The following CHODL variants were observed in gnomAD, a reference collection of about 807,000 sequenced individuals.
CHODL encodes transmembrane protein MT75.
CHODL carries 29 observed loss-of-function variants against 34.5 expected under a neutral mutation model. The ratio of observed to expected loss-of-function variants is 0.84; its 90% CI spans 0.63 to 1.15. The LOEUF (loss-of-function observed/expected upper bound fraction) is 1.15. CHODL is among the 50% of genes most tolerant of loss of function. The pLI, the probability that CHODL is intolerant of heterozygous loss-of-function variation, is 0.00. For missense variants in CHODL, 332 were observed against 332.5 expected (o/e 1.00, Z 0.01); for synonymous variants, 125 against 116.1 (o/e 1.08, Z -0.49).
At chr21:17,938,026 C>T (rs1264946520) in intron 1 of CHODL, among the ~76,000 whole-genome samples, 2 of 152,142 alleles carry the variant, frequency 1.3e-5, no homozygotes, top group Non-Finnish European at 2.9e-5. Context: ...GGCAAGTTCC[C>T]CTCACCCCAC....
At chr21:18,038,386 AGTG>A (rs1170999280) in intron 2 of CHODL, among the ~76,000 whole-genome samples, 5 of 151,758 alleles carry the variant, frequency 3.3e-5, no homozygotes, top group African/African-American at 4.8e-5. Flanking sequence ...ATTCAAGAGA[AGTG>A]GTAATTATGA....
At chr21:18,031,443 T>C (rs929813444) in intron 2 of CHODL, among the ~76,000 whole-genome samples, 3 of 152,110 alleles carry the variant, frequency 2.0e-5, no homozygotes, top group Non-Finnish European at 4.4e-5. Context: ...AGCTAAAGAA[T>C]TTCAGAAGGC....
At chr21:18,228,280 A>G (rs1009687996) in intron 2 of CHODL, among the ~76,000 whole-genome samples, 4 of 152,148 alleles carry the variant, frequency 2.6e-5, no homozygotes, top group Non-Finnish European at 5.9e-5. Context: ...GAGAGTTTCA[A>G]ATTTCTGGAC....
chr21:18,173,920 A>G (rs1031918170), intron 2 of CHODL, among the ~76,000 whole-genome samples: 1 of 151,220 alleles, frequency 6.6e-6, no homozygotes, highest in African/African-American at 2.4e-5. Context: ...GTTTGACCCA[A>G]TCTTGACTTG....
In CHODL at chr21:18,010,192, G is replaced by A. The variant is rs1251281869; in HGVS notation, c.-144-17680G>A. Among the ~76,000 whole-genome samples the A allele has an allele frequency of 3.4e-5, 5 of 145,606 alleles. No homozygotes were observed. In the East Asian group the frequency reaches 6.0e-4, roughly 18 times the overall value. On this transcript the variant is annotated intron_variant, in intron 1 of 6. Coordinates refer to the CHODL transcript ENST00000400127. Reference sequence around the variant, plus strand: ...GGGCCCTGTAGTCCCAGCTACCCAGGAGGCTGAGACAGGAGAATGGCGGGA... The same window carrying A: ...GGGCCCTGTAGTCCCAGCTACCCAGAAGGCTGAGACAGGAGAATGGCGGGA...
At chr21:18,190,943 G>A (rs2073503593) in intron 2 of CHODL, among the ~76,000 whole-genome samples, 2 of 152,082 alleles carry the variant, frequency 1.3e-5, no homozygotes, top group African/African-American at 4.8e-5. Context: ...GGAAATAAAA[G>A]GCCTGTTTTG....
chr21:17,959,245 G>A (rs1653494858), intron 1 of CHODL, among the ~76,000 whole-genome samples: 1 of 152,010 alleles, frequency 6.6e-6, no homozygotes, highest in African/African-American at 2.4e-5. Context: ...AGTGATCAAG[G>A]CCAGGTCATG....
intron 1 of CHODL, among the ~76,000 whole-genome samples, chr21:18,023,590 G>A (rs1482061875): frequency 6.6e-6 from 1 of 152,076 alleles, no homozygotes; most frequent in Admixed American, 6.6e-5. Flanking sequence ...CCTGGCTGGG[G>A]CAGGCACGGT....
chr21:18,056,790 T>C (rs1000051422), intron 2 of CHODL, among the ~76,000 whole-genome samples: 1 of 152,122 alleles, frequency 6.6e-6, no homozygotes, highest in Admixed American at 6.6e-5. Context: ...ATATCTTCTC[T>C]AATTTTTCTG....
rs552493556 is a variant in CHODL, at chr21:18,157,223, C to T, written c.-44-99286C>T. Among the ~76,000 whole-genome samples the T allele has an allele frequency of 1.1e-4, 17 of 152,184 alleles. No individual in the cohort carries two copies. In the East Asian group the frequency reaches 1.9e-3, roughly 17 times the overall value. ...GCAAGGATCTGTGAGATGGAAGATA[C>T]GTTGTGGGTATCTCTGGAAACACAA... is the stretch of plus-strand genomic sequence containing the variant. On this transcript the variant is annotated intron_variant, in intron 2 of 6. Transcript: ENST00000400127.
intron 2 of CHODL, among the ~76,000 whole-genome samples, chr21:18,124,797 T>C (rs1306044287): frequency 6.6e-6 from 1 of 152,226 alleles, no homozygotes; most frequent in African/African-American, 2.4e-5. Context: ...TGGTATTTAC[T>C]AAGCACTTAC....
intron 2 of CHODL, among the ~76,000 whole-genome samples, chr21:18,203,536 T>C (rs1057499480): frequency 1.3e-5 from 2 of 152,170 alleles, no homozygotes; most frequent in Non-Finnish European, 2.9e-5. Context: ...ATTGAAAGTA[T>C]AAAGAAGCTT....
chr21:18,205,380 A>G (rs2073700410), intron 2 of CHODL, among the ~76,000 whole-genome samples: 1 of 152,190 alleles, frequency 6.6e-6, no homozygotes, highest in Non-Finnish European at 1.5e-5. Context: ...GATATGATGT[A>G]TGACATTGAC....
At chr21:18,001,846 C>G (rs751240001) in intron 1 of CHODL, among the ~76,000 whole-genome samples, 3 of 149,744 alleles carry the variant, frequency 2.0e-5, no homozygotes, top group Non-Finnish European at 3.0e-5. Flanking sequence ...AAAAGAAAAG[C>G]CTAGGCAAAG....
intron 2 of CHODL, among the ~76,000 whole-genome samples, chr21:18,239,350 T>TA (rs1333771438): frequency 2.6e-5 from 4 of 152,090 alleles, no homozygotes; most frequent in African/African-American, 9.7e-5. Flanking sequence ...GTGAGCTACT[T>TA]ACGCTTAGAA....
chr21:17,975,289 A>G (rs1028304044), intron 1 of CHODL, among the ~76,000 whole-genome samples: 1 of 152,134 alleles, frequency 6.6e-6, no homozygotes, highest in African/African-American at 2.4e-5. Context: ...CGTGTACTTG[A>G]GAGTGAAGGG....
intron 2 of CHODL, among the ~76,000 whole-genome samples, chr21:18,086,041 C>CTTT (rs3984977): frequency 7.7e-5 from 3 of 38,734 alleles, no homozygotes; most frequent in Non-Finnish European, 1.5e-4. Flanking sequence ...AGACTTTGTT[C>CTTT]TTTTTTTTTT....
intron 2 of CHODL, among the ~76,000 whole-genome samples, chr21:18,172,469 C>A (rs1003003584): frequency 2.0e-5 from 3 of 152,024 alleles, no homozygotes; most frequent in Non-Finnish European, 4.4e-5. Context: ...TTATTGTACA[C>A]CTATTTATTT....
chr21:18,021,460 A>G (rs946014823), intron 1 of CHODL, among the ~76,000 whole-genome samples: 24 of 152,172 alleles, frequency 1.6e-4, no homozygotes, highest in Non-Finnish European at 4.4e-5. Flanking sequence ...AGACTGAGAA[A>G]AGGTAACATG....
Sources: gnomAD v4.1 joint callset for allele counts (sites outside exome capture counted in the v4.1 genomes callset) on GRCh38, gnomAD v4.1.1 for gene constraint, MANE v1.5 for transcripts, NCBI Gene and HGNC (gene_info 2026-07-23, HGNC 2026-07-21) for gene names.